EHMT1: variants seen among roughly 807,000 people sequenced by gnomAD.
The protein encoded by EHMT1 is histone-lysine N-methyltransferase EHMT1.
In EHMT1, 15 loss-of-function variants were observed where a neutral mutation model predicts 147.2. The ratio of observed to expected loss-of-function variants is 0.10; its 90% CI spans 0.07 to 0.16. EHMT1 has a LOEUF of 0.16. Ranked by LOEUF, EHMT1 falls within the 10% of genes least tolerant of loss-of-function variation. EHMT1 has a pLI of 1.00. For missense variants in EHMT1, 1,587 were observed against 1,772.4 expected (o/e 0.90, Z 1.88); for synonymous variants, 795 against 709.6 (o/e 1.12, Z -1.91).
rs560772917 is a variant in EHMT1, at chr9:137,731,969, C to T, written c.823+3440C>T. Among the ~76,000 whole-genome samples the T allele has an allele frequency of 3.2e-4, 49 of 152,314 alleles. No individual in the cohort carries two copies. The highest frequency in any genetic ancestry group is 1.1e-3 in the African/African-American group (46 of 41,572). ...TAGATGAGGGGAACACGGTGGTGCCCCAAAACTCGGAGTCACCAGCAACTG... is the reference window on the plus strand; with the variant it reads ...TAGATGAGGGGAACACGGTGGTGCCTCAAAACTCGGAGTCACCAGCAACTG... On this transcript the variant is annotated intron_variant, in intron 4 of 26. Transcript: ENST00000460843. This position sits in a 1 kb window ranked among gnomAD's most constrained non-coding sequence, Gnocchi z 4.3.
chr9:137,834,881 C>T lies in EHMT1; in HGVS notation c.3825C>T (p.Ala1275=). 6.2e-7 allele frequency: 1 copy of T among 1,608,400 alleles called. No individual in the cohort carries two copies. The highest frequency in any genetic ancestry group is 8.5e-7 in the Non-Finnish European group (1 of 1,178,012). The change falls in exon 27 of 27, where the codon GCC becomes GCT. Residue 1275 remains alanine (A), a synonymous_variant. Transcript: ENST00000460843. ...GCGCGGCCCTGGCCCAGCGTCAGGC[C>T]AGCGCGGCCCAGGAGGCCCAGGAGG... ...HSSAALAQRQ[A]SAAQEAQEDG... is the part of the protein sequence containing the mutation.
chr9:137,818,008 TG>T, intron 24 of EHMT1, 51 bp from the exon 25 acceptor site: 1 of 1,566,090 alleles, frequency 6.4e-7, no homozygotes, highest in Non-Finnish European at 8.8e-7. Flanking sequence ...TGCTTGTCTG[TG>T]GGCAGTGCTC....
rs1954672121 is a variant in EHMT1, at chr9:137,813,603, C to T, written c.3180+73C>T. 6.3e-7 allele frequency: 1 copy of T among 1,595,496 alleles called. No individual in the cohort carries two copies. Among genetic ancestry groups the T allele is most frequent in the South Asian group, 1.1e-5 (1 of 88,752 alleles). On this transcript the variant is annotated intron_variant, in intron 21 of 26. Transcript: ENST00000460843. The surrounding 1 kb of genome is among the most constrained non-coding windows in gnomAD (Gnocchi z 4.9). ...GGCAGAAGCTTCTTGAGCCTGGGGT[C>T]CTGGGTTCTCACCACTCAGAGCAGG...
chr9:137,673,811 A>G (rs969648597), intron 1 of EHMT1, among the ~76,000 whole-genome samples: 3 of 152,248 alleles, frequency 2.0e-5, no homozygotes, highest in Non-Finnish European at 4.4e-5. Context: ...GGAAAATGAC[A>G]CAATTACTAT....
intron 3 of EHMT1, among the ~76,000 whole-genome samples, chr9:137,723,805 C>T (rs917199561): frequency 1.1e-4 from 16 of 152,196 alleles, no homozygotes; most frequent in African/African-American, 3.6e-4. Flanking sequence ...ATCCAATATT[C>T]TCATAAAAGT....
At chr9:137,741,914 T>TC (rs1948119710) in intron 4 of EHMT1, among the ~76,000 whole-genome samples, 1 of 152,162 alleles carries the variant, frequency 6.6e-6, no homozygotes, top group South Asian at 2.1e-4. Context: ...GCCTCCTTCA[T>TC]CCCCCCACAA....
At chr9:137,712,878 A>G (rs756858836) in intron 2 of EHMT1, among the ~76,000 whole-genome samples, 2 of 151,934 alleles carry the variant, frequency 1.3e-5, no homozygotes, top group African/African-American at 2.4e-5. Context: ...AAACATTTAC[A>G]TTTATTTTTT....
At chr9:137,829,536 T>C (rs1485949196) in intron 25 of EHMT1, among the ~76,000 whole-genome samples, 2 of 152,220 alleles carry the variant, frequency 1.3e-5, no homozygotes, top group African/African-American at 4.8e-5. Flanking sequence ...GAGATTGAGA[T>C]TGCCGTCACG....
In EHMT1 at chr9:137,716,688, G is replaced by A. The variant is rs78104547; in HGVS notation, c.148G>A (p.Ala50Thr). Residue 50 changes from alanine (A) to threonine (T), a missense_variant, in exon 3 of 27, where the codon GCG (alanine) becomes ACG (threonine). Around this residue, in one of 7 missense-constraint regions of EHMT1, gnomAD observed 810 missense variants for 673.0 expected, o/e 1.20. Transcript: ENST00000460843. ...ACAGGCAGGAGAGGCCCACATGGCT[G>A]CGGACGGTGAGACCAATGGGTCTTG... Reference protein sequence around the residue: ...EKQAGEAHMAADGETNGSCEN... With the variant: ...EKQAGEAHMATDGETNGSCEN... 1.5e-3 allele frequency: 2,377 copies of A among 1,606,096 alleles called. 50 individuals carry two copies. In the East Asian group the frequency reaches 0.041, roughly 28 times the overall value.
In EHMT1 at chr9:137,776,483, TG is replaced by T; in HGVS notation, c.1792-133del. 1 of 807,732 alleles carries T rather than the reference TG, an allele frequency of 1.2e-6. No individual in the cohort carries two copies. The highest frequency in any genetic ancestry group is 2.0e-6 in the Non-Finnish European group (1 of 489,468). 50.0% of individuals were successfully genotyped at this position (807,732 alleles called of 1,614,324 possible). On this transcript the variant is annotated intron_variant, in intron 11 of 26. Coordinates refer to ENST00000460843, the MANE Select transcript of EHMT1 (RefSeq NM_024757.5). This position sits in a 1 kb window ranked among gnomAD's most constrained non-coding sequence, Gnocchi z 4.4. ...TCTTAACGATGCCTGGGGCCAAGACTGGACCCCACCCCGACCCATGGCTCAC... is the reference window on the plus strand; with the variant it reads ...TCTTAACGATGCCTGGGGCCAAGACTGACCCCACCCCGACCCATGGCTCAC...
intron 6 of EHMT1, among the ~76,000 whole-genome samples, chr9:137,750,904 A>T (rs1948913429): frequency 6.6e-6 from 1 of 152,212 alleles, no homozygotes; most frequent in Non-Finnish European, 1.5e-5. Context: ...GAACTTTTTA[A>T]TAACTATGGT....
At chr9:137,792,629 C>T (rs538857524) in intron 16 of EHMT1, among the ~76,000 whole-genome samples, 38 of 152,246 alleles carry the variant, frequency 2.5e-4, no homozygotes, top group Non-Finnish European at 4.9e-4. Flanking sequence ...CGATTGAACC[C>T]GGGAGGCGGA....
intron 13 of EHMT1, among the ~76,000 whole-genome samples, chr9:137,778,819 C>T (rs1351367209): frequency 6.6e-6 from 1 of 152,170 alleles, no homozygotes; most frequent in Non-Finnish European, 1.5e-5. Context: ...TTAATTGGCT[C>T]ACGGTTCTCC....
intron 14 of EHMT1, among the ~76,000 whole-genome samples, chr9:137,780,683 G>A (rs111698230): frequency 3.6e-5 from 3 of 83,438 alleles, no homozygotes; most frequent in South Asian, 1.1e-3. Flanking sequence ...ACGCCGAGAC[G>A]TGTGGTGATG....
intron 1 of EHMT1, among the ~76,000 whole-genome samples, chr9:137,686,877 C>A (rs1942494017): frequency 6.6e-6 from 1 of 151,918 alleles, no homozygotes; most frequent in Non-Finnish European, 1.5e-5. Context: ...ACTACGGGCG[C>A]CCGCCACCGC....
intron 1 of EHMT1, among the ~76,000 whole-genome samples, chr9:137,661,799 TC>T (rs1442093948): frequency 6.6e-6 from 1 of 151,602 alleles, no homozygotes; most frequent in African/African-American, 2.4e-5. Flanking sequence ...TTTAAAGAAA[TC>T]TATTTTTTTT....
chr9:137,817,332 A>G (rs1295181915), intron 23 of EHMT1, 107 bp from the exon 24 acceptor site: 3 of 1,257,796 alleles, frequency 2.4e-6, no homozygotes, highest in South Asian at 1.2e-5. Context: ...ATACAGAACC[A>G]GTTTTCTTCC....
intron 1 of EHMT1, among the ~76,000 whole-genome samples, chr9:137,647,629 T>G (rs938461200): frequency 2.7e-4 from 41 of 150,558 alleles, no homozygotes; most frequent in African/African-American, 9.3e-4. Context: ...GAGTCTTGCT[T>G]TGTCACCCAG....
chr9:137,682,036 T>C (rs4979655), intron 1 of EHMT1, among the ~76,000 whole-genome samples: 57,355 of 151,730 alleles, frequency 0.38, 11,568 homozygotes, highest in African/African-American at 0.51. Context: ...CTGCAAGCTC[T>C]GCCTCCCGGA....
Sources: allele counts gnomAD v4.1 joint callset (sites outside exome capture counted in the v4.1 genomes callset), GRCh38; gene constraint gnomAD v4.1.1; regional missense constraint gnomAD v4.1.1; non-coding constraint Gnocchi (gnomAD v3.1); transcripts MANE v1.5; gene names NCBI Gene and HGNC (gene_info 2026-07-23, HGNC 2026-07-21).